Variants in CEACAM20 observed in about 807,000 individuals in gnomAD.
The protein encoded by CEACAM20 is CEA cell adhesion molecule 20, also known as cell adhesion molecule CEACAM20.
CEACAM20 carries 50 observed loss-of-function variants against 61.2 expected under a neutral mutation model. The ratio of observed to expected loss-of-function variants is 0.82; its 90% CI spans 0.65 to 1.03. CEACAM20 has a LOEUF of 1.03. Ranked by LOEUF, CEACAM20 falls within the 50% of genes least tolerant of loss-of-function variation. The pLI is 0.00. For missense variants in CEACAM20, 683 were observed against 736.4 expected (o/e 0.93, Z 0.84); for synonymous variants, 282 against 287.7 (o/e 0.98, Z 0.20).
intron 11 of CEACAM20, 97 bp downstream of exon 11, chr19:44,510,933 C>CTTCATAG: frequency 6.9e-7 from 1 of 1,448,670 alleles, no homozygotes; most frequent in Non-Finnish European, 9.4e-7. Context: ...GGAAATTTTT[C>CTTCATAG]TTCATAGTTC....
chr19:44,527,194 G>C (rs749849787), intron 1 of CEACAM20, among the ~76,000 whole-genome samples: 7 of 152,150 alleles, frequency 4.6e-5, no homozygotes, highest in Non-Finnish European at 8.8e-5. Context: ...AGCTCATCTG[G>C]TGGTTGTGAA....
In CEACAM20 at chr19:44,516,957, A is replaced by C. The variant is rs376731816; in HGVS notation, c.1298T>G (p.Val433Gly). 29 of 1,597,628 alleles carry C rather than the reference A, an allele frequency of 1.8e-5. No individual in the cohort carries two copies. The highest frequency in any genetic ancestry group is 2.2e-5 in the Non-Finnish European group (26 of 1,172,660). The part of the protein sequence containing the change: ...TGLARSTSVL[V>G]KVVGPQSSSL... ...CCTGAGAGACTCACCTACCACCTTG[A>C]CCAGGACTGAAGTGGAGCGGGCCAG... Residue 433 changes from valine to glycine, a missense_variant, in exon 6 of 12, where the codon GTC (valine) becomes GGC (glycine). Transcript: ENST00000614924.
At chr19:44,512,148 G>T (rs2123563815) in intron 8 of CEACAM20, 70 bp from the exon 9 acceptor site, 1 of 1,189,362 alleles carries the variant, frequency 8.4e-7, no homozygotes, top group Non-Finnish European at 1.2e-6. Flanking sequence ...TGTTTTTCCA[G>T]GACCCCTGAC....
rs1970976188 is a variant in CEACAM20 at position 44,510,920 on chromosome 19, A to C, written c.1737+110T>G. 2.2e-6 allele frequency: 3 copies of C among 1,346,560 alleles called. No individual in the cohort carries two copies. In the East Asian group the frequency reaches 7.2e-5, roughly 32 times the overall value. The allele number at this position is 1,346,560 out of a possible 1,614,324, so 83.4% of individuals were successfully genotyped here. On this transcript the variant is annotated intron_variant, in intron 11 of 11. Transcript: ENST00000614924. ...TAGGATGGAATTGAGAAGATTTTTA[A>C]AGGGAAATTTTTCTTCATAGTTCAT... is the stretch of plus-strand genomic sequence containing the variant.
intron 5 of CEACAM20, among the ~76,000 whole-genome samples, chr19:44,520,095 C>A (rs947918814): frequency 7.9e-5 from 12 of 152,290 alleles, no homozygotes; most frequent in Admixed American, 2.0e-4. Context: ...CTAATAAAAC[C>A]CTTGCATGAA....
At position 44,511,095 on chromosome 19, in the gene CEACAM20, T is replaced by G. The variant is rs777258350; in HGVS notation, c.1672A>C (p.Lys558Gln). ...NSFSPWKPPP[K>Q]PLMPPLRLVS... ...AATCTGAGTGGGGGCATCAGAGGTT[T>G]GGGTGGTGGCTTCCAGGGGCTGAAA... Residue 558 changes from lysine to glutamine, a missense_variant, in exon 11 of 12, where the codon AAA (lysine) becomes CAA (glutamine). Physicochemically the swap from Lys to Gln is moderately conservative, Grantham distance 53. Coordinates refer to ENST00000614924, the MANE Select transcript of CEACAM20 (RefSeq NM_001102597.3). 3 of 1,613,932 alleles carry G rather than the reference T, an allele frequency of 1.9e-6. No individual in the cohort carries two copies. The highest frequency in any genetic ancestry group is 2.5e-6 in the Non-Finnish European group (3 of 1,179,868).
chr19:44,525,543 A>C (rs1971504854), intron 1 of CEACAM20, among the ~76,000 whole-genome samples: 1 of 152,170 alleles, frequency 6.6e-6, no homozygotes, highest in Non-Finnish European at 1.5e-5. Context: ...CCCAGGTTCA[A>C]GGGATTCTCC....
chr19:44,509,498 G>A (rs994433120), intron 11 of CEACAM20, among the ~76,000 whole-genome samples: 1 of 152,124 alleles, frequency 6.6e-6, no homozygotes, highest in Non-Finnish European at 1.5e-5. Context: ...TAAATGAAAT[G>A]AAAAGGAGTG....
intron 5 of CEACAM20, 54 bp downstream of exon 5, chr19:44,520,420 A>G: frequency 6.3e-7 from 1 of 1,578,882 alleles, no homozygotes. Context: ...GAAGAACTTA[A>G]AGAGAAGGAG....
intron 10 of CEACAM20, 100 bp downstream of exon 10, chr19:44,511,537 A>G: frequency 8.3e-7 from 1 of 1,204,426 alleles, no homozygotes. Context: ...GTGCCATGAA[A>G]TGTTTAGACA....
In CEACAM20 at chr19:44,511,658, G is replaced by A. The variant is rs772493880; in HGVS notation, c.1590C>T (p.Asp530=). 3.1e-6 allele frequency: 5 copies of A among 1,612,836 alleles called. No individual in the cohort carries two copies. The highest frequency in any genetic ancestry group is 4.2e-6 in the Non-Finnish European group (5 of 1,179,632). Residue 530 remains aspartate, a synonymous_variant, in exon 10 of 12, where the codon GAC becomes GAT. Transcript: ENST00000614924. The part of the protein sequence containing the change: ...RIRVELMQPP[D]LPEETYETKL... ...GTACCTCATAGGTCTCCTCTGGAAG[G>A]TCTGGTGGTTGCATCTGGGGAAAAA... is the stretch of plus-strand genomic sequence containing the variant.
intron 11 of CEACAM20, among the ~76,000 whole-genome samples, chr19:44,510,551 A>AAG (rs1599663376): frequency 0.013 from 906 of 68,722 alleles, 6 homozygotes; most frequent in Admixed American, 0.029. Flanking sequence ...AAGGAAGGAA[A>AAG]GAAAGAAAGA....
chr19:44,515,075 TGATC>T (rs529328843), intron 6 of CEACAM20, among the ~76,000 whole-genome samples: 271 of 152,266 alleles, frequency 1.8e-3, no homozygotes, highest in African/African-American at 6.4e-3. Context: ...TGACCATATG[TGATC>T]CACCTGCCTC....
chr19:44,521,019 CTT>C (rs570866819), intron 4 of CEACAM20, among the ~76,000 whole-genome samples: 2 of 151,936 alleles, frequency 1.3e-5, no homozygotes, highest in African/African-American at 4.8e-5. Flanking sequence ...TTTTGCGTCT[CTT>C]GTGTGTGTTG....
rs2123568468 is a variant in CEACAM20 at position 44,513,152 on chromosome 19, T to C, written c.1427+20A>G. The C allele has an allele frequency of 1.3e-6, 2 of 1,563,418 alleles. No homozygotes were observed. The highest frequency in any genetic ancestry group is 1.8e-6 in the Non-Finnish European group (2 of 1,136,246). ...GGCCACATCCCCATCCCCATCCCCCTCCCTGTATCCCTGTGTTACCGTCTG... is the reference window on the plus strand; with the variant it reads ...GGCCACATCCCCATCCCCATCCCCCCCCCTGTATCCCTGTGTTACCGTCTG... On this transcript the variant is annotated intron_variant, in intron 7 of 11. Coordinates refer to ENST00000614924, the MANE Select transcript of CEACAM20 (RefSeq NM_001102597.3).
In CEACAM20 at chr19:44,517,128, C is replaced by T; in HGVS notation, c.1127G>A (p.Trp376Ter). The change falls in exon 6 of 12, where the codon TGG becomes TAG. Residue 376 changes from tryptophan (W) to a stop codon, truncating the protein, a stop_gained. Coordinates refer to ENST00000614924, the MANE Select transcript of CEACAM20 (RefSeq NM_001102597.3). LOFTEE classifies it high-confidence loss of function. The part of the protein sequence containing the change: ...ELNSSLTLQC[W>*]AESKPGAEYR... ...CTCAGCACCTGGCTTGGACTCGGCC[C>T]AACACTGCAGGGTCAGGCTGGAGTT... is the stretch of plus-strand genomic sequence containing the variant. The T allele has an allele frequency of 6.2e-7, 1 of 1,613,584 alleles. No individual in the cohort carries two copies. The highest frequency in any genetic ancestry group is 1.3e-5 in the African/African-American group (1 of 74,994).
rs1599676151 is a variant in CEACAM20, at chr19:44,518,145, AG to A, written c.1031-922del. On this transcript the variant is annotated intron_variant, in intron 5 of 11. Coordinates refer to ENST00000614924, the MANE Select transcript of CEACAM20 (RefSeq NM_001102597.3). ...AAGGAAGGAAGGAAGGAAGGAAGGAAGGAAGGAAGGAAGGAAGGAAGGAAGA... is the reference window on the plus strand; with the variant it reads ...AAGGAAGGAAGGAAGGAAGGAAGGAAGAAGGAAGGAAGGAAGGAAGGAAGA... Among the ~76,000 whole-genome samples, 851 of 89,736 alleles carry A rather than the reference AG, an allele frequency of 9.5e-3. 42 individuals are homozygous for A. Among genetic ancestry groups the A allele is most frequent in the African/African-American group, 0.019 (443 of 23,252 alleles). 58.9% of individuals were successfully genotyped at this position (89,736 alleles called of 152,430 possible).
At chr19:44,526,159 T>C (rs983919413) in intron 1 of CEACAM20, among the ~76,000 whole-genome samples, 1 of 152,164 alleles carries the variant, frequency 6.6e-6, no homozygotes, top group Non-Finnish European at 1.5e-5. Flanking sequence ...CTTCCTCTGA[T>C]GTGCCCCAGG....
Position 44,525,150 on chromosome 19 carries a change from C to A in CEACAM20, c.147G>T (p.Leu49=). The change falls in exon 2 of 12, where the codon CTG becomes CTT. Residue 49 remains leucine, a synonymous_variant. Transcript: ENST00000614924. ...LDATQSEDVV[L]PVFGTPRTPQ... ...GTGTCCTGGGGGTCCCAAACACAGG[C>A]AGAACAACATCCTCACTTTGGGTGG... The A allele has an allele frequency of 6.2e-7, 1 of 1,610,528 alleles. No individual in the cohort carries two copies. Among genetic ancestry groups the A allele is most frequent in the Non-Finnish European group, 8.5e-7 (1 of 1,178,582 alleles).
Sources: gnomAD v4.1 joint callset for allele counts (sites outside exome capture counted in the v4.1 genomes callset) on GRCh38, gnomAD v4.1.1 for gene constraint, MANE v1.5 for transcripts, NCBI Gene and HGNC (gene_info 2026-07-23, HGNC 2026-07-21) for gene names.